The following ACTL6A variants were observed in gnomAD, a reference collection of about 807,000 sequenced individuals.
The protein encoded by ACTL6A is actin like 6A.
ACTL6A carries 5 observed loss-of-function variants against 59.2 expected under a neutral mutation model. The observed-to-expected ratio is 0.08, with a 90% CI of 0.04 to 0.18. ACTL6A has a LOEUF of 0.18. ACTL6A is among the 10% of genes least tolerant of loss of function. The pLI is 1.00. For missense variants in ACTL6A, 285 were observed against 526.9 expected (o/e 0.54, Z 4.49); for synonymous variants, 154 against 171.8 (o/e 0.90, Z 0.81).
intron 3 of ACTL6A, among the ~76,000 whole-genome samples, chr3:179,571,638 C>T (rs951799194): frequency 2.6e-5 from 4 of 152,172 alleles, no homozygotes; most frequent in Non-Finnish European, 2.9e-5. Context: ...GGAGAGTCTT[C>T]TCACAGTGGA....
chr3:179,586,465 TTGA>T, intron 12 of ACTL6A, 78 bp from the exon 13 acceptor site: 5 of 937,748 alleles, frequency 5.3e-6, no homozygotes, highest in Non-Finnish European at 7.5e-6. Context: ...CTGTCTCTAT[TTGA>T]AAAAAAAAAA....
Position 179,566,465 on chromosome 3 carries a change from A to G in ACTL6A, c.25+3348A>G, listed in dbSNP as rs1010184269. ...AGGGATTCATAATTTCCTAAACTGT[A>G]TTAGTTTGTAGGGCTGCCATAATAA... On this transcript the variant is annotated intron_variant, in intron 1 of 13. Coordinates refer to ENST00000429709, the MANE Select transcript of ACTL6A (RefSeq NM_004301.5). Among the ~76,000 whole-genome samples, 11 of 152,274 alleles carry G rather than the reference A, an allele frequency of 7.2e-5. 1 individual carries two copies. The highest frequency in any genetic ancestry group is 1.9e-4 in the East Asian group (1 of 5,186).
intron 12 of ACTL6A, among the ~76,000 whole-genome samples, chr3:179,585,947 G>A (rs535450899): frequency 1.3e-4 from 20 of 152,270 alleles, no homozygotes; most frequent in African/African-American, 4.3e-4. Flanking sequence ...GTGAACTAAG[G>A]AGGGATTAGG....
chr3:179,562,983 G>A lies in ACTL6A; in HGVS notation c.-110G>A. The A allele has an allele frequency of 7.0e-7, 1 of 1,426,260 alleles. No homozygotes were observed. Among genetic ancestry groups the A allele is most frequent in the Non-Finnish European group, 9.6e-7 (1 of 1,040,734 alleles). The allele number at this position is 1,426,260 out of a possible 1,614,324, so 88.4% of individuals were successfully genotyped here. On this transcript the variant is annotated 5_prime_UTR_variant, in exon 1 of 14. Coordinates refer to ENST00000429709, the MANE Select transcript of ACTL6A (RefSeq NM_004301.5). ...CGCTTTGTTGCCTGAGGTGGGTGGCGGTGGAAGTTAAGGGAGTCAGGGGCT... is the reference window on the plus strand; with the variant it reads ...CGCTTTGTTGCCTGAGGTGGGTGGCAGTGGAAGTTAAGGGAGTCAGGGGCT...
At chr3:179,586,182 C>T (rs1229100231) in intron 12 of ACTL6A, among the ~76,000 whole-genome samples, 1 of 152,128 alleles carries the variant, frequency 6.6e-6, no homozygotes, top group African/African-American at 2.4e-5. Flanking sequence ...GTTTTCTCAT[C>T]ATATAATCGC....
chr3:179,567,473 G>A (rs978876121), intron 1 of ACTL6A, among the ~76,000 whole-genome samples: 16 of 152,154 alleles, frequency 1.1e-4, no homozygotes, highest in Admixed American at 3.9e-4. Context: ...ATTTTAGGGC[G>A]ACACAATTCA....
rs754028864 is a variant in ACTL6A, at chr3:179,573,489, T to C, written c.378+20T>C. ...GCACCGGTGAGATAAAGATTTTCTT[T>C]TTCACGTTTCTCTAGTTGTTTTTTT... On this transcript the variant is annotated intron_variant, in intron 4 of 13. Coordinates refer to ENST00000429709, the MANE Select transcript of ACTL6A (RefSeq NM_004301.5). 1 of 1,486,836 alleles carries C rather than the reference T, an allele frequency of 6.7e-7. No homozygotes were observed. Among genetic ancestry groups the C allele is most frequent in the South Asian group, 1.4e-5 (1 of 72,828 alleles). 92.1% of individuals were successfully genotyped at this position (1,486,836 alleles called of 1,614,324 possible).
At chr3:179,587,906 T>C in intron 13 of ACTL6A, 24 bp from the exon 14 acceptor site, 2 of 1,575,580 alleles carry the variant, frequency 1.3e-6, no homozygotes, top group Non-Finnish European at 1.7e-6. Context: ...GGCATAATTA[T>C]ATAAATTTCT....
chr3:179,569,351 T>A (rs563303680), intron 1 of ACTL6A, among the ~76,000 whole-genome samples: 35 of 152,360 alleles, frequency 2.3e-4, no homozygotes, highest in Admixed American at 7.2e-4. Flanking sequence ...TACTGTACTG[T>A]CCCTTCTGGT....
chr3:179,567,008 A>G (rs1251445040), intron 1 of ACTL6A, among the ~76,000 whole-genome samples: 1 of 152,082 alleles, frequency 6.6e-6, no homozygotes, highest in Non-Finnish European at 1.5e-5. Context: ...TCTCTTAAAA[A>G]CATCACTCAT....
chr3:179,564,405 A>G (rs1485650086), intron 1 of ACTL6A, among the ~76,000 whole-genome samples: 2 of 152,158 alleles, frequency 1.3e-5, no homozygotes, highest in Admixed American at 6.5e-5. Flanking sequence ...AAAAAAGACA[A>G]AAGCCTTTTT....
At chr3:179,587,228 GTTTA>G (rs1576861604) in intron 13 of ACTL6A, among the ~76,000 whole-genome samples, 1 of 151,796 alleles carries the variant, frequency 6.6e-6, no homozygotes, top group East Asian at 1.9e-4. Context: ...TATATATACA[GTTTA>G]TATACATATA....
intron 8 of ACTL6A, among the ~76,000 whole-genome samples, chr3:179,577,478 TA>T (rs149468376): frequency 1.8e-4 from 27 of 146,050 alleles, no homozygotes; most frequent in South Asian, 4.4e-4. Flanking sequence ...CTTAATTTCT[TA>T]AAAAAAAAAC....
At chr3:179,576,126 T>C in intron 5 of ACTL6A, 91 bp from the exon 6 acceptor site, 1 of 870,974 alleles carries the variant, frequency 1.1e-6, no homozygotes, top group Non-Finnish European at 1.9e-6. Flanking sequence ...GTTTAAGAAA[T>C]AGTTTCTGAA....
At chr3:179,567,729 C>T (rs560647970) in intron 1 of ACTL6A, among the ~76,000 whole-genome samples, 5 of 152,298 alleles carry the variant, frequency 3.3e-5, no homozygotes, top group Admixed American at 6.5e-5. Context: ...AAAACAAATA[C>T]AGTGTTCTCC....
chr3:179,572,118 A>C (rs1440323398), intron 3 of ACTL6A, among the ~76,000 whole-genome samples: 1 of 152,246 alleles, frequency 6.6e-6, no homozygotes, highest in Non-Finnish European at 1.5e-5. Flanking sequence ...CTCTGAAAAA[A>C]ATTGGAACAT....
At chr3:179,586,185 A>G (rs1718481218) in intron 12 of ACTL6A, among the ~76,000 whole-genome samples, 1 of 152,246 alleles carries the variant, frequency 6.6e-6, no homozygotes, top group Non-Finnish European at 1.5e-5. Flanking sequence ...TTCTCATCAT[A>G]TAATCGCATG....
At chr3:179,587,907 A>T (rs776963601) in intron 13 of ACTL6A, 23 bp from the exon 14 acceptor site, 2 of 1,576,854 alleles carry the variant, frequency 1.3e-6, no homozygotes, top group East Asian at 4.6e-5. Flanking sequence ...GCATAATTAT[A>T]TAAATTTCTT....
intron 3 of ACTL6A, among the ~76,000 whole-genome samples, chr3:179,572,638 C>T (rs992357666): frequency 3.9e-5 from 6 of 152,030 alleles, no homozygotes; most frequent in African/African-American, 1.4e-4. Flanking sequence ...AACCCTGTCT[C>T]TACTAAAAAT....
Sources: allele counts gnomAD v4.1 joint callset (sites outside exome capture counted in the v4.1 genomes callset), GRCh38; gene constraint gnomAD v4.1.1; transcripts MANE v1.5; gene names NCBI Gene and HGNC (gene_info 2026-07-23, HGNC 2026-07-21).